TNKS: variants seen among roughly 807,000 people sequenced by gnomAD.
TNKS encodes tankyrase, also known as poly [ADP-ribose] polymerase tankyrase-1.
In TNKS, 72 loss-of-function variants were observed where a neutral mutation model predicts 135.8. The observed-to-expected ratio is 0.53, with a 90% CI of 0.44 to 0.64. TNKS has a LOEUF of 0.64. Among genes scored for constraint, TNKS ranks in the 30% least tolerant of loss-of-function variants. The pLI, the probability that TNKS is intolerant of heterozygous loss-of-function variation, is 0.00. For synonymous variants in TNKS, 849 were observed against 649.3 expected (o/e 1.31, Z -4.68); for missense variants, 1,769 against 1,674.0 (o/e 1.06, Z -0.99).
chr8:9,669,363 A>C (rs1802161095), intron 3 of TNKS, among the ~76,000 whole-genome samples: 1 of 147,900 alleles, frequency 6.8e-6, no homozygotes, highest in African/African-American at 2.5e-5. Flanking sequence ...GCTTGCAGTG[A>C]GCCGAGATTG....
Position 9,556,478 on chromosome 8 carries a change from G to A in TNKS, c.539G>A (p.Ser180Asn). The A allele has an allele frequency of 1.2e-6, 2 of 1,614,154 alleles. No homozygotes were observed. Among genetic ancestry groups the A allele is most frequent in the Non-Finnish European group, 1.7e-6 (2 of 1,180,044 alleles). ...AGPGTGVPAV[S>N]GALRELLEAC... The stretch of plus-strand genomic sequence containing the variant: ...CCTGGGACAGGGGTCCCAGCAGTGA[G>A]CGGGGCCCTACGGGAACTGCTGGAG... Residue 180 changes from serine to asparagine, a missense_variant, in exon 1 of 27, where the codon AGC becomes AAC. Physicochemically the swap from Ser to Asn is conservative, Grantham distance 46. This residue lies in a region of TNKS where 450 missense variants were observed against 304.9 expected (regional missense o/e 1.48). Coordinates refer to ENST00000310430, the MANE Select transcript of TNKS (RefSeq NM_003747.3).
At position 9,779,688 on chromosome 8, in the gene TNKS, A is replaced by T. The variant is rs1808381485; in HGVS notation, c.*2952A>T. ...TCCTCATCTTGGGTCTTAAAAAAGG[A>T]GACCAGATACCTCCTAGCTTTTGTA... On this transcript the variant is annotated 3_prime_UTR_variant, in exon 27 of 27. Coordinates refer to ENST00000310430, the MANE Select transcript of TNKS (RefSeq NM_003747.3). The T allele has an allele frequency of 6.6e-6, 1 of 152,210 alleles. No individual in the cohort carries two copies. Among genetic ancestry groups the T allele is most frequent in the African/African-American group, 2.4e-5 (1 of 41,456 alleles). 9.4% of individuals were successfully genotyped at this position (152,210 alleles called of 1,614,324 possible). A position where few individuals can be genotyped will look rare whatever the true frequency, so the allele number is the denominator to read the frequency against.
chr8:9,765,935 C>T (rs1807417888), intron 24 of TNKS, 138 bp downstream of exon 24: 2 of 688,424 alleles, frequency 2.9e-6, no homozygotes, highest in South Asian at 4.5e-5. Context: ...CAAATAATTA[C>T]TTCTTGGTAC....
intron 17 of TNKS, among the ~76,000 whole-genome samples, chr8:9,745,127 T>C (rs1806170048): frequency 6.6e-6 from 1 of 152,188 alleles, no homozygotes. Flanking sequence ...TTCCGTGCTT[T>C]TGGGTTAACT....
intron 20 of TNKS, 61 bp downstream of exon 20, chr8:9,752,687 A>C: frequency 5.9e-6 from 7 of 1,177,534 alleles, no homozygotes; most frequent in Non-Finnish European, 7.5e-6. Flanking sequence ...GGCTGGATGC[A>C]GTGGTTCACA....
intron 5 of TNKS, among the ~76,000 whole-genome samples, chr8:9,697,728 C>A (rs1239822377): frequency 6.6e-6 from 1 of 152,112 alleles, no homozygotes; most frequent in Non-Finnish European, 1.5e-5. Context: ...ATCACAACCA[C>A]AATGAGATAC....
At chr8:9,751,536 T>A in intron 18 of TNKS, 73 bp from the exon 19 acceptor site, 8 of 1,370,946 alleles carry the variant, frequency 5.8e-6, no homozygotes, top group Middle Eastern at 2.2e-4. Context: ...ACAAAGTATT[T>A]GGTTATCAGT....
At chr8:9,574,604 A>T (rs191315211) in intron 1 of TNKS, among the ~76,000 whole-genome samples, 1 of 152,210 alleles carries the variant, frequency 6.6e-6, no homozygotes, top group Non-Finnish European at 1.5e-5. Context: ...ATGAAACCCA[A>T]TCTTCTTACC....
At chr8:9,622,048 A>G (rs1328789486) in intron 3 of TNKS, among the ~76,000 whole-genome samples, 2 of 152,224 alleles carry the variant, frequency 1.3e-5, no homozygotes, top group Admixed American at 1.3e-4. Flanking sequence ...TTAATCTTGT[A>G]TAATTTTGGA....
chr8:9,726,877 G>C (rs2128815481), intron 13 of TNKS, among the ~76,000 whole-genome samples, 157 bp downstream of exon 13: 1 of 152,264 alleles, frequency 6.6e-6, no homozygotes, highest in Middle Eastern at 3.4e-3. Context: ...GGAATTCCCA[G>C]TATGTGCCTT....
intron 1 of TNKS, among the ~76,000 whole-genome samples, chr8:9,562,894 C>T: frequency 6.8e-6 from 1 of 148,100 alleles, no homozygotes; most frequent in Non-Finnish European, 1.5e-5. Context: ...TACAGTATGT[C>T]TTGGTGTTCG....
rs375015185 is a variant in TNKS at position 9,707,014 on chromosome 8, C to T, written c.1456+17C>T. On this transcript the variant is annotated intron_variant, in intron 8 of 26. Coordinates refer to ENST00000310430, the MANE Select transcript of TNKS (RefSeq NM_003747.3). Reference sequence around the variant, plus strand: ...GATTGACTTGTACGTATTTATATCCCGAAATCATTATCGCATAAATTGGAA... The same window carrying T: ...GATTGACTTGTACGTATTTATATCCTGAAATCATTATCGCATAAATTGGAA... 1.1e-5 allele frequency: 17 copies of T among 1,535,564 alleles called. No homozygotes were observed. Among genetic ancestry groups the T allele is most frequent in the South Asian group, 2.5e-5 (2 of 80,670 alleles).
intron 3 of TNKS, among the ~76,000 whole-genome samples, chr8:9,662,982 T>C (rs1312309403): frequency 6.6e-6 from 1 of 152,224 alleles, no homozygotes; most frequent in Non-Finnish European, 1.5e-5. Flanking sequence ...AGAGATTATC[T>C]TGGGTTATCT....
chr8:9,658,926 G>T (rs1051403759), intron 3 of TNKS, among the ~76,000 whole-genome samples: 3 of 152,138 alleles, frequency 2.0e-5, no homozygotes, highest in African/African-American at 7.2e-5. Context: ...AAAGGCAGGG[G>T]TTGCAATCGT....
In TNKS at chr8:9,556,463, G is replaced by C. The variant is rs750932295; in HGVS notation, c.524G>C (p.Gly175Ala). The C allele has an allele frequency of 1.2e-6, 2 of 1,614,038 alleles. No homozygotes were observed. Among genetic ancestry groups the C allele is most frequent in the East Asian group, 2.2e-5 (1 of 44,888 alleles). ...CCTGGGGCAGCAGGACCTGGGACAGGGGTCCCAGCAGTGAGCGGGGCCCTA... is the reference window on the plus strand; with the variant it reads ...CCTGGGGCAGCAGGACCTGGGACAGCGGTCCCAGCAGTGAGCGGGGCCCTA... ...LGPGAAGPGT[G>A]VPAVSGALRE... Residue 175 changes from glycine to alanine, a missense_variant, in exon 1 of 27, where the codon GGG becomes GCG. By Grantham distance (60) the Gly-to-Ala change is moderately conservative. Transcript: ENST00000310430.
chr8:9,583,771 G>A lies in TNKS; in HGVS notation c.898+3388G>A, dbSNP rs552835389. Among the ~76,000 whole-genome samples the A allele has an allele frequency of 7.2e-5, 11 of 152,188 alleles. No homozygotes were observed. In the East Asian group the frequency reaches 1.9e-3, roughly 27 times the overall value. On this transcript the variant is annotated intron_variant, in intron 2 of 26. Coordinates refer to ENST00000310430, the MANE Select transcript of TNKS (RefSeq NM_003747.3). ...CAAAGTCCTGGGATTGTAGGCGTGA[G>A]CCACCGCACCCAGCCTGTATGGTTT...
chr8:9,771,447 AAGAG>A (rs200223559), intron 26 of TNKS, among the ~76,000 whole-genome samples: 26 of 75,236 alleles, frequency 3.5e-4, no homozygotes, highest in African/African-American at 8.5e-4. Context: ...AGGAAAGGAA[AAGAG>A]AGAGAAGAAG....
In TNKS at chr8:9,770,237, A is replaced by C; in HGVS notation, c.3872A>C (p.Glu1291Ala). The change falls in exon 26 of 27, where the codon GAA becomes GCA. Residue 1291 changes from glutamate to alanine, a missense_variant. Glu to Ala is a moderately radical substitution (Grantham distance 107). This residue lies in a region of TNKS where 722 missense variants were observed against 688.9 expected (regional missense o/e 1.05). Coordinates refer to ENST00000310430, the MANE Select transcript of TNKS (RefSeq NM_003747.3). ...AGCGTCAATGGGCTGGCATATGCTG[A>C]ATATGTCATCTACAGAGGAGAACAG... ...RPSVNGLAYA[E>A]YVIYRGEQAY... 1 of 1,613,372 alleles carries C rather than the reference A, an allele frequency of 6.2e-7. No homozygotes were observed. Among genetic ancestry groups the C allele is most frequent in the Non-Finnish European group, 8.5e-7 (1 of 1,179,892 alleles).
At chr8:9,690,689 T>C (rs1563169601) in intron 5 of TNKS, among the ~76,000 whole-genome samples, 1 of 149,526 alleles carries the variant, frequency 6.7e-6, no homozygotes, top group African/African-American at 2.5e-5. Context: ...TGGGAATAAA[T>C]GTAAGTAAGT....
Sources: allele counts gnomAD v4.1 joint callset (sites outside exome capture counted in the v4.1 genomes callset), GRCh38; gene constraint gnomAD v4.1.1; regional missense constraint gnomAD v4.1.1; transcripts MANE v1.5; gene names NCBI Gene and HGNC (gene_info 2026-07-23, HGNC 2026-07-21).